Variants in CTNND2 observed in about 807,000 individuals in gnomAD.
CTNND2 encodes the protein catenin delta-2.
A neutral mutation model predicts 144.4 loss-of-function variants in CTNND2; 22 were observed. The ratio of observed to expected loss-of-function variants is 0.15; its 90% CI spans 0.11 to 0.22. CTNND2 has a LOEUF of 0.22. Ranked by LOEUF, CTNND2 falls within the 10% of genes least tolerant of loss-of-function variation. CTNND2 has a pLI of 1.00. For synonymous variants in CTNND2, 751 were observed against 695.6 expected, an observed-to-expected ratio of 1.08 and a Z score of -1.25; for missense variants, 1,353 against 1,618.8, an observed-to-expected ratio of 0.84 and a Z score of 2.82.
At chr5:11,874,763 G>A (rs945595017) in intron 1 of CTNND2, among the ~76,000 whole-genome samples, 2 of 152,182 alleles carry the variant, frequency 1.3e-5, no homozygotes, top group African/African-American at 4.8e-5. Context: ...AGTTGACTGT[G>A]GATAACTGAA....
intron 2 of CTNND2, among the ~76,000 whole-genome samples, chr5:11,639,956 T>C (rs185987429): frequency 4.6e-5 from 7 of 152,282 alleles, no homozygotes; most frequent in African/African-American, 7.2e-5. Flanking sequence ...AGAGAAAACC[T>C]TTCTCAAGTG....
At chr5:11,495,537 T>G (rs1288031678) in intron 3 of CTNND2, among the ~76,000 whole-genome samples, 1 of 152,188 alleles carries the variant, frequency 6.6e-6, no homozygotes, top group Non-Finnish European at 1.5e-5. Context: ...TGTACTGGCG[T>G]CAACCTTGAA....
Position 10,984,587 on chromosome 5 carries a change from T to C in CTNND2, c.3344-2741A>G, listed in dbSNP as rs546036378. Among the ~76,000 whole-genome samples, 7 of 152,178 alleles carry C rather than the reference T, an allele frequency of 4.6e-5. No homozygotes were observed. In the East Asian group the frequency reaches 9.8e-4, roughly 21 times the overall value. On this transcript the variant is annotated intron_variant, in intron 20 of 21. Coordinates refer to ENST00000304623, the MANE Select transcript of CTNND2 (RefSeq NM_001332.4). ...AATACTGGAAGTTCTTTCCCCTCAC[T>C]CGTTTAAACGAGACCATAGCTGAGA... is the stretch of plus-strand genomic sequence containing the variant.
Position 11,903,761 on chromosome 5 carries a change from G to T in CTNND2, c.37+56C>A. ...ACCCCCACCAGCGGCAAGAGGAGGA[G>T]GACGGCGCCGGGAGGAGGCTGCGCC... is the stretch of plus-strand genomic sequence containing the variant. On this transcript the variant is annotated intron_variant, in intron 1 of 21. Transcript: ENST00000304623. This position sits in a 1 kb window ranked among gnomAD's most constrained non-coding sequence, Gnocchi z 5.4. The T allele has an allele frequency of 6.9e-7, 1 of 1,456,474 alleles. No homozygotes were observed. The highest frequency in any genetic ancestry group is 9.0e-7 in the Non-Finnish European group (1 of 1,105,530). 90.2% of individuals were successfully genotyped at this position (1,456,474 alleles called of 1,614,324 possible). A position where few individuals can be genotyped will look rare whatever the true frequency, so the allele number is the denominator to read the frequency against.
intron 3 of CTNND2, among the ~76,000 whole-genome samples, chr5:11,521,497 G>T (rs529642403): frequency 1.6e-4 from 24 of 152,262 alleles, no homozygotes; most frequent in African/African-American, 5.5e-4. Flanking sequence ...TGCTTGCTTA[G>T]TGAATGCTCA....
intron 3 of CTNND2, among the ~76,000 whole-genome samples, chr5:11,414,837 G>A (rs1761808359): frequency 6.6e-6 from 1 of 152,296 alleles, no homozygotes; most frequent in South Asian, 2.1e-4. Flanking sequence ...ACTTGTAAGT[G>A]AGAACATGCA....
Position 11,678,546 on chromosome 5 carries a change from T to C in CTNND2, c.174+53590A>G, listed in dbSNP as rs1161966020. On this transcript the variant is annotated intron_variant, in intron 2 of 21. Transcript: ENST00000304623. ...TGCTCTGACAATCATCAGCCTTCAATAGGAAATTAAATGTTATTAAGACGA... is the reference window on the plus strand; with the variant it reads ...TGCTCTGACAATCATCAGCCTTCAACAGGAAATTAAATGTTATTAAGACGA... 2.6e-5 allele frequency among the ~76,000 whole-genome samples: 4 copies of C among 152,222 alleles called. No individual in the cohort carries two copies. The East Asian group carries it at 5.8e-4, about 22-fold the overall frequency.
intron 1 of CTNND2, among the ~76,000 whole-genome samples, chr5:11,768,622 A>G (rs1164813727): frequency 6.6e-6 from 1 of 152,188 alleles, no homozygotes; most frequent in Non-Finnish European, 1.5e-5. Context: ...CTGAGACACT[A>G]AGAGACATTG....
intron 1 of CTNND2, among the ~76,000 whole-genome samples, chr5:11,818,796 A>G (rs566136242): frequency 3.3e-5 from 5 of 152,300 alleles, no homozygotes; most frequent in Non-Finnish European, 7.4e-5. Context: ...ATCCACCAGG[A>G]AAAGCTCCTC....
intron 3 of CTNND2, among the ~76,000 whole-genome samples, chr5:11,489,744 C>T (rs1475171166): frequency 6.6e-6 from 1 of 152,148 alleles, no homozygotes; most frequent in Non-Finnish European, 1.5e-5. Flanking sequence ...CTGAGGTGTC[C>T]TAATTCACAT....
intron 3 of CTNND2, among the ~76,000 whole-genome samples, chr5:11,518,764 A>T (rs1052972280): frequency 6.6e-6 from 1 of 152,242 alleles, no homozygotes; most frequent in African/African-American, 2.4e-5. Context: ...TTTATAGCCT[A>T]GGTGCAATAG....
intron 2 of CTNND2, among the ~76,000 whole-genome samples, chr5:11,619,410 A>G (rs1780730626): frequency 6.6e-6 from 1 of 152,188 alleles, no homozygotes; most frequent in Non-Finnish European, 1.5e-5. Flanking sequence ...TGTGTCTCAA[A>G]AACAAAAAAC....
chr5:11,058,641 G>A lies in CTNND2; in HGVS notation c.2788+24055C>T, dbSNP rs561008828. Among the ~76,000 whole-genome samples the A allele has an allele frequency of 8.5e-5, 13 of 152,328 alleles. No homozygotes were observed. In the South Asian group the frequency reaches 1.0e-3, roughly 12 times the overall value. ...AGTCCCTACTGGGGCACCACCTAGCGGAGCTGTGAGAAGAGGGCTACCATC... is the reference window on the plus strand; with the variant it reads ...AGTCCCTACTGGGGCACCACCTAGCAGAGCTGTGAGAAGAGGGCTACCATC... On this transcript the variant is annotated intron_variant, in intron 16 of 21. Coordinates refer to ENST00000304623, the MANE Select transcript of CTNND2 (RefSeq NM_001332.4).
intron 3 of CTNND2, among the ~76,000 whole-genome samples, chr5:11,427,191 A>C (rs1238509288): frequency 6.6e-6 from 1 of 151,994 alleles, no homozygotes; most frequent in Non-Finnish European, 1.5e-5. Context: ...AAACAACACT[A>C]TGACGAGTTG....
At chr5:11,296,820 T>TG (rs1012631068) in intron 9 of CTNND2, among the ~76,000 whole-genome samples, 2 of 151,252 alleles carry the variant, frequency 1.3e-5, no homozygotes, top group African/African-American at 4.9e-5. Context: ...ACATCACACA[T>TG]GGGGGCCTGT....
At chr5:11,380,873 C>T (rs957777878) in intron 7 of CTNND2, among the ~76,000 whole-genome samples, 7 of 152,324 alleles carry the variant, frequency 4.6e-5, no homozygotes, top group African/African-American at 9.6e-5. Flanking sequence ...ACTTGAAAAA[C>T]TCTAACCTGC....
chr5:11,624,252 C>G, intron 2 of CTNND2, among the ~76,000 whole-genome samples: 1 of 151,946 alleles, frequency 6.6e-6, no homozygotes, highest in East Asian at 1.9e-4. Flanking sequence ...GATAAAGATA[C>G]CAAAGCGTGT....
intron 2 of CTNND2, among the ~76,000 whole-genome samples, chr5:11,630,313 C>A (rs1445098113): frequency 6.6e-6 from 1 of 152,120 alleles, no homozygotes; most frequent in Non-Finnish European, 1.5e-5. Flanking sequence ...TAATGCACAC[C>A]AGGGTGGACT....
chr5:11,589,501 T>C (rs1779101265), intron 2 of CTNND2, among the ~76,000 whole-genome samples: 1 of 152,178 alleles, frequency 6.6e-6, no homozygotes, highest in Admixed American at 6.5e-5. Flanking sequence ...AATTATTTGG[T>C]TTTTTGAAAT....
Sources: allele counts gnomAD v4.1 joint callset (sites outside exome capture counted in the v4.1 genomes callset), GRCh38; gene constraint gnomAD v4.1.1; non-coding constraint Gnocchi (gnomAD v3.1); transcripts MANE v1.5; gene names NCBI Gene and HGNC (gene_info 2026-07-23, HGNC 2026-07-21).